Variants in CHN1 observed in about 807,000 individuals in gnomAD.
CHN1 encodes the protein N-chimaerin.
CHN1 carries 37 observed loss-of-function variants against 59.5 expected under a neutral mutation model. That is an observed-to-expected ratio of 0.62 (90% CI 0.48 to 0.82). The LOEUF is 0.82. Among genes scored for constraint, CHN1 ranks in the 40% least tolerant of loss-of-function variants. The pLI, the probability that CHN1 is intolerant of heterozygous loss-of-function variation, is 0.00. For synonymous variants in CHN1, 206 were observed against 200.4 expected, an observed-to-expected ratio of 1.03 and a Z score of -0.24; for missense variants, 469 against 571.0, an observed-to-expected ratio of 0.82 and a Z score of 1.82.
chr2:174,858,333 G>A (rs1686968213), intron 6 of CHN1, among the ~76,000 whole-genome samples: 2 of 152,078 alleles, frequency 1.3e-5, no homozygotes, highest in South Asian at 4.1e-4. Flanking sequence ...GATATATATT[G>A]ATTCATGGTA....
rs758556143 is a variant in CHN1, at chr2:174,805,801, C to G, written c.1102+3104G>C. 2.7e-5 allele frequency among the ~76,000 whole-genome samples: 4 copies of G among 150,642 alleles called. No individual in the cohort carries two copies. The South Asian group carries it at 8.4e-4, about 32-fold the overall frequency. On this transcript the variant is annotated intron_variant, in intron 11 of 12. Transcript: ENST00000409900. ...TTAAAACTTAGCAAAAGGGGCAGCT[C>G]AGTGGCAGAGCTGAGGAAATACTAA...
chr2:174,824,666 G>C (rs1199044561), intron 7 of CHN1, 148 bp from the exon 8 acceptor site: 1 of 407,640 alleles, frequency 2.5e-6, no homozygotes, highest in Non-Finnish European at 4.4e-6. Context: ...CTGTTGCCCA[G>C]GCTGGAGTGC....
chr2:174,947,943 A>G (rs1168931821), intron 2 of CHN1, among the ~76,000 whole-genome samples: 2 of 152,236 alleles, frequency 1.3e-5, no homozygotes, highest in Non-Finnish European at 2.9e-5. Context: ...AGCTGAATTT[A>G]AATAAGCACA....
chr2:174,938,347 T>C (rs1024626691), intron 3 of CHN1, among the ~76,000 whole-genome samples: 2 of 150,868 alleles, frequency 1.3e-5, no homozygotes, highest in African/African-American at 4.8e-5. Flanking sequence ...TTTACTTTCA[T>C]TTCTAATGGA....
chr2:174,988,169 T>C, intron 1 of CHN1, among the ~76,000 whole-genome samples: 1 of 151,912 alleles, frequency 6.6e-6, no homozygotes, highest in Non-Finnish European at 1.5e-5. Context: ...CCATCCTGGC[T>C]AACACGGTGA....
chr2:174,910,326 A>G (rs1185453269), intron 5 of CHN1, among the ~76,000 whole-genome samples: 2 of 152,212 alleles, frequency 1.3e-5, no homozygotes, highest in Non-Finnish European at 2.9e-5. Context: ...CAGCCCACTA[A>G]TAAGTCAAAG....
At chr2:174,940,304 G>C (rs1009762081) in intron 3 of CHN1, among the ~76,000 whole-genome samples, 2 of 152,112 alleles carry the variant, frequency 1.3e-5, no homozygotes, top group African/African-American at 4.8e-5. Context: ...CGAGATTATA[G>C]GCGTGAGCCG....
In CHN1 at chr2:174,812,290, C is replaced by T. The variant is rs377624617; in HGVS notation, c.886+19G>A. 113 of 1,596,152 alleles carry T rather than the reference C, an allele frequency of 7.1e-5. No individual in the cohort carries two copies. Among genetic ancestry groups the T allele is most frequent in the Non-Finnish European group, 9.3e-5 (109 of 1,168,720 alleles). On this transcript the variant is annotated intron_variant, in intron 9 of 12. Coordinates refer to ENST00000409900, the MANE Select transcript of CHN1 (RefSeq NM_001822.7). ...GTAGTGAACGGAGACCACTGCAACC[C>T]GCACTGCAAATGGCTCACCTCTAGA...
intron 5 of CHN1, among the ~76,000 whole-genome samples, chr2:174,878,975 C>T (rs1687656295): frequency 1.3e-5 from 2 of 152,206 alleles, no homozygotes; most frequent in Admixed American, 1.3e-4. Flanking sequence ...CAGGAAGACA[C>T]AGGCAAGAAA....
chr2:174,905,714 T>C (rs749781129), intron 5 of CHN1, among the ~76,000 whole-genome samples: 4 of 152,012 alleles, frequency 2.6e-5, no homozygotes, highest in African/African-American at 9.7e-5. Context: ...ACAGCTACCA[T>C]GCCCGGCTAA....
chr2:174,880,839 G>A (rs1393566568), intron 5 of CHN1, among the ~76,000 whole-genome samples: 1 of 152,098 alleles, frequency 6.6e-6, no homozygotes, highest in Non-Finnish European at 1.5e-5. Context: ...CCTGAGGTCG[G>A]GAGTTTGAGA....
rs528234827 is a variant in CHN1, at chr2:174,903,322, AC to A, written c.260+11735del. Among the ~76,000 whole-genome samples the A allele has an allele frequency of 4.1e-4, 63 of 152,330 alleles. 1 individual carries two copies. Among genetic ancestry groups the A allele is most frequent in the African/African-American group, 1.3e-3 (54 of 41,568 alleles). On this transcript the variant is annotated intron_variant, in intron 5 of 12. Coordinates refer to ENST00000409900, the MANE Select transcript of CHN1 (RefSeq NM_001822.7). ...TCAGGCATTAGCTGTTTATTGCACAACTATATAGTCAGGCAGACAATAGGGC... is the reference window on the plus strand; with the variant it reads ...TCAGGCATTAGCTGTTTATTGCACAATATATAGTCAGGCAGACAATAGGGC...
At chr2:174,849,488 C>T (rs916313464) in intron 6 of CHN1, among the ~76,000 whole-genome samples, 3 of 152,134 alleles carry the variant, frequency 2.0e-5, no homozygotes, top group Non-Finnish European at 4.4e-5. Flanking sequence ...TTCAACATGG[C>T]AGTAACTGCA....
chr2:174,853,650 T>C (rs1212711052), intron 6 of CHN1, among the ~76,000 whole-genome samples: 2 of 152,184 alleles, frequency 1.3e-5, no homozygotes, highest in Non-Finnish European at 2.9e-5. Flanking sequence ...TGCACTTCCA[T>C]GTTCATCACA....
chr2:174,904,837 C>T (rs1688494596), intron 5 of CHN1, among the ~76,000 whole-genome samples: 2 of 152,096 alleles, frequency 1.3e-5, no homozygotes, highest in Admixed American at 6.5e-5. Flanking sequence ...ATTTTCCAAC[C>T]TGTTGCCAAG....
intron 10 of CHN1, 68 bp downstream of exon 10, chr2:174,811,443 C>A: frequency 9.4e-7 from 1 of 1,061,694 alleles, no homozygotes; most frequent in Non-Finnish European, 1.4e-6. Context: ...AAATACCTCA[C>A]AAGAAATTGT....
At chr2:174,895,245 A>C (rs188669162) in intron 5 of CHN1, among the ~76,000 whole-genome samples, 3 of 151,186 alleles carry the variant, frequency 2.0e-5, no homozygotes, top group Admixed American at 2.0e-4. Flanking sequence ...CACACAATGG[A>C]GTATTATTCA....
At chr2:174,834,655 C>T (rs1240665663) in intron 7 of CHN1, among the ~76,000 whole-genome samples, 1 of 151,762 alleles carries the variant, frequency 6.6e-6, no homozygotes, top group East Asian at 1.9e-4. Flanking sequence ...AATGTGCATC[C>T]CCCCAACTGC....
intron 3 of CHN1, among the ~76,000 whole-genome samples, chr2:174,933,436 A>G (rs1411452621): frequency 6.6e-6 from 1 of 152,150 alleles, no homozygotes; most frequent in African/African-American, 2.4e-5. Context: ...TGTATCAAGG[A>G]GGAGAAAGTC....
Sources: gnomAD v4.1 joint callset for allele counts (sites outside exome capture counted in the v4.1 genomes callset) on GRCh38, gnomAD v4.1.1 for gene constraint, MANE v1.5 for transcripts, NCBI Gene and HGNC (gene_info 2026-07-23, HGNC 2026-07-21) for gene names.